Variants in TENM1 observed in about 807,000 individuals in gnomAD.
TENM1 encodes the protein teneurin-1.
TENM1 carries 35 observed loss-of-function variants against 174.8 expected under a neutral mutation model. That is an observed-to-expected ratio of 0.20 (90% CI 0.15 to 0.27). TENM1 has a LOEUF of 0.27. TENM1 is among the 10% of genes least tolerant of loss of function. The pLI, the probability that TENM1 is intolerant of heterozygous loss-of-function variation, is 1.00. For synonymous variants in TENM1, 781 were observed against 798.7 expected (o/e 0.98, Z 0.37); for missense variants, 1,633 against 2,130.1 (o/e 0.77, Z 4.59).
At chrX:125,023,944 G>A in the TENM1 span, among the ~76,000 whole-genome samples, 1 of 112,139 alleles carries the variant, frequency 8.9e-6, no homozygotes. Context: ...TTTTTCAAAA[G>A]AAGATGTATA....
chrX:124,625,976 T>C (rs1235453813), intron 11 of TENM1, among the ~76,000 whole-genome samples: 1 of 111,334 alleles, frequency 9.0e-6, no homozygotes, highest in Admixed American at 9.6e-5. Flanking sequence ...TTCCACAATG[T>C]ATATATATGT....
At chrX:124,481,077 A>G (rs774306193) in intron 22 of TENM1, among the ~76,000 whole-genome samples, 10 of 112,101 alleles carry the variant, frequency 8.9e-5, no homozygotes, top group Non-Finnish European at 1.5e-4. Context: ...TAAATTTAGG[A>G]CAAATAAAAA....
chrX:125,159,215 T>C, the TENM1 span, among the ~76,000 whole-genome samples: 1 of 112,319 alleles, frequency 8.9e-6, no homozygotes, highest in Non-Finnish European at 1.9e-5. Context: ...CTTTTGGTTT[T>C]AAGCCCCTTA....
chrX:124,577,929 A>ATT (rs1176852671), intron 11 of TENM1, among the ~76,000 whole-genome samples: 9 of 99,238 alleles, frequency 9.1e-5, no homozygotes, highest in African/African-American at 3.3e-4. Flanking sequence ...TGATTTCACT[A>ATT]TTTTTTTTTT....
chrX:125,038,867 T>G, the TENM1 span, among the ~76,000 whole-genome samples: 1 of 111,869 alleles, frequency 8.9e-6, no homozygotes, highest in Non-Finnish European at 1.9e-5. Flanking sequence ...GACTTAAGTT[T>G]AAAGAACTAT....
chrX:124,664,811 G>C (rs772773213), intron 6 of TENM1, among the ~76,000 whole-genome samples: 90 of 109,249 alleles, frequency 8.2e-4, no homozygotes, highest in African/African-American at 2.8e-3. Context: ...TTAAGGAAGA[G>C]TACAGTATTT....
chrX:125,199,763 G>C, the TENM1 span, among the ~76,000 whole-genome samples: 1 of 111,635 alleles, frequency 9.0e-6, no homozygotes, highest in Non-Finnish European at 1.9e-5. Context: ...CATGTCACCT[G>C]TAAAAATATT....
intron 11 of TENM1, among the ~76,000 whole-genome samples, chrX:124,592,678 G>T (rs998465265): frequency 9.2e-6 from 1 of 109,097 alleles, no homozygotes; most frequent in Non-Finnish European, 1.9e-5. Context: ...CAGGCGATCT[G>T]CTCCCCACCC....
chrX:124,390,172 CG>C (rs2060267785), intron 28 of TENM1, among the ~76,000 whole-genome samples: 1 of 111,979 alleles, frequency 8.9e-6, no homozygotes. Context: ...GTTTGCTTCA[CG>C]TGATTCTTTG....
At chrX:124,680,821 A>C (rs2052216278) in intron 5 of TENM1, among the ~76,000 whole-genome samples, 1 of 110,875 alleles carries the variant, frequency 9.0e-6, no homozygotes, top group Non-Finnish European at 1.9e-5. Flanking sequence ...AATCACTGCC[A>C]ATCACTTCTT....
In TENM1 at chrX:124,963,517, A is replaced by G. The variant is rs1660565952; in HGVS notation, c.217+20T>C. On this transcript the variant is annotated intron_variant, in intron 1 of 31. Transcript: ENST00000422452. Reference sequence around the variant, plus strand: ...CTAATGAGAAATAATATTTGTTATAAAGATCCAATAAAAACATACCTTGAG... The same window carrying G: ...CTAATGAGAAATAATATTTGTTATAGAGATCCAATAAAAACATACCTTGAG... 2.6e-6 allele frequency: 3 copies of G among 1,134,077 alleles called. No homozygotes were observed. Among genetic ancestry groups the G allele is most frequent in the Non-Finnish European group, 3.6e-6 (3 of 829,613 alleles). The allele number at this position is 1,134,077 out of a possible 1,213,427, so 93.5% of individuals were successfully genotyped here. A position where few individuals can be genotyped will look rare whatever the true frequency, so the allele number is the denominator to read the frequency against.
chrX:125,163,780 T>C, the TENM1 span, among the ~76,000 whole-genome samples: 164 of 111,844 alleles, frequency 1.5e-3, 1 homozygote, highest in African/African-American at 5.1e-3. Flanking sequence ...CCACTGAAAA[T>C]ATTTAATAAA....
chrX:124,740,846 A>G (rs2148558392), intron 3 of TENM1, among the ~76,000 whole-genome samples: 1 of 111,434 alleles, frequency 9.0e-6, no homozygotes, highest in Non-Finnish European at 1.9e-5. Flanking sequence ...TAGAACACCA[A>G]TTCTAGGGGT....
At chrX:125,094,386 T>C in the TENM1 span, among the ~76,000 whole-genome samples, 2 of 112,233 alleles carry the variant, frequency 1.8e-5, no homozygotes, top group African/African-American at 3.2e-5. Context: ...AAATGAAAAA[T>C]ATCCAGACAA....
At chrX:124,608,279 G>A (rs1489139164) in intron 11 of TENM1, among the ~76,000 whole-genome samples, 1 of 111,423 alleles carries the variant, frequency 9.0e-6, no homozygotes, top group Non-Finnish European at 1.9e-5. Context: ...CCACATCAGA[G>A]TTAATATACA....
chrX:124,656,973 T>C (rs917774182), intron 6 of TENM1, among the ~76,000 whole-genome samples: 3 of 110,518 alleles, frequency 2.7e-5, no homozygotes, highest in African/African-American at 6.6e-5. Flanking sequence ...GGATTTTTTT[T>C]CCAAAAATTT....
chrX:124,831,742 A>G (rs772308278), intron 3 of TENM1, among the ~76,000 whole-genome samples: 1 of 111,986 alleles, frequency 8.9e-6, no homozygotes, highest in East Asian at 2.8e-4. Context: ...CATTTATTGC[A>G]TTATTAAAAT....
intron 3 of TENM1, among the ~76,000 whole-genome samples, chrX:124,845,878 G>A (rs1297901806): frequency 4.5e-5 from 5 of 110,120 alleles, no homozygotes; most frequent in Non-Finnish European, 1.9e-5. Context: ...CAATGTTCCA[G>A]GCACCAGGAA....
chrX:124,651,448 T>A (rs188674271), intron 8 of TENM1, among the ~76,000 whole-genome samples: 1 of 112,245 alleles, frequency 8.9e-6, no homozygotes, highest in African/African-American at 3.2e-5. Context: ...CTGTAAATAA[T>A]CTTATGTTGT....
Sources: allele counts gnomAD v4.1 joint callset (sites outside exome capture counted in the v4.1 genomes callset), GRCh38; gene constraint gnomAD v4.1.1; transcripts MANE v1.5; gene names NCBI Gene and HGNC (gene_info 2026-07-23, HGNC 2026-07-21).